ENTHD1: variants seen among roughly 807,000 people sequenced by gnomAD.
ENTHD1 encodes ENTH domain containing 1, also known as ENTH domain-containing protein 1.
ENTHD1 carries 23 observed loss-of-function variants against 39.1 expected under a neutral mutation model. The observed-to-expected ratio is 0.59, with a 90% CI of 0.42 to 0.83. The LOEUF is 0.83. Among genes scored for constraint, ENTHD1 ranks in the 40% least tolerant of loss-of-function variants. ENTHD1 has a pLI of 0.00. For missense variants in ENTHD1, 624 were observed against 705.4 expected, an observed-to-expected ratio of 0.88 and a Z score of 1.31; for synonymous variants, 230 against 258.2, an observed-to-expected ratio of 0.89 and a Z score of 1.05.
At chr22:39,833,782 C>T (rs1194538867) in intron 4 of ENTHD1, among the ~76,000 whole-genome samples, 1 of 151,306 alleles carries the variant, frequency 6.6e-6, no homozygotes, top group African/African-American at 2.4e-5. Flanking sequence ...GAAGAAAAAT[C>T]GAGATAACTT....
At chr22:39,758,875 T>C (rs1245075519) in intron 6 of ENTHD1, among the ~76,000 whole-genome samples, 2 of 152,232 alleles carry the variant, frequency 1.3e-5, no homozygotes, top group East Asian at 3.8e-4. Flanking sequence ...AATTTTATCA[T>C]TTCCATCTGA....
intron 5 of ENTHD1, among the ~76,000 whole-genome samples, chr22:39,772,308 G>A (rs917842565): frequency 5.3e-5 from 8 of 152,150 alleles, no homozygotes; most frequent in African/African-American, 1.9e-4. Context: ...TAGCCCACTT[G>A]CTTCTCACCT....
At chr22:39,748,641 T>G (rs2065125811) in intron 6 of ENTHD1, among the ~76,000 whole-genome samples, 1 of 152,018 alleles carries the variant, frequency 6.6e-6, no homozygotes, top group Non-Finnish European at 1.5e-5. Context: ...ACCAGGATGG[T>G]CTCAATCTCC....
intron 5 of ENTHD1, among the ~76,000 whole-genome samples, chr22:39,796,487 C>A (rs12483790): frequency 0.039 from 5,878 of 152,208 alleles, 158 homozygotes; most frequent in Middle Eastern, 0.068. Flanking sequence ...CCAGACTGAT[C>A]TCAAGCTCCT....
intron 2 of ENTHD1, among the ~76,000 whole-genome samples, chr22:39,863,016 A>G (rs1005218285): frequency 6.6e-6 from 1 of 152,202 alleles, no homozygotes; most frequent in Non-Finnish European, 1.5e-5. Flanking sequence ...CAGAGGATGC[A>G]GCATCAAGGC....
At chr22:39,826,734 T>C (rs1860679324) in intron 4 of ENTHD1, among the ~76,000 whole-genome samples, 1 of 151,934 alleles carries the variant, frequency 6.6e-6, no homozygotes, top group Non-Finnish European at 1.5e-5. Context: ...ATGTAGGATG[T>C]TGGTAGGGGT....
At chr22:39,769,829 A>T (rs1262900964) in intron 5 of ENTHD1, among the ~76,000 whole-genome samples, 1 of 152,198 alleles carries the variant, frequency 6.6e-6, no homozygotes, top group Non-Finnish European at 1.5e-5. Flanking sequence ...AATGTCAACA[A>T]ATTTTGTGAA....
At chr22:39,809,745 A>G (rs57242969) in intron 5 of ENTHD1, among the ~76,000 whole-genome samples, 9 of 152,284 alleles carry the variant, frequency 5.9e-5, no homozygotes, top group African/African-American at 1.9e-4. Flanking sequence ...GACCAGGGAT[A>G]ACAGGGATGG....
At chr22:39,766,895 A>C (rs2065281583) in intron 5 of ENTHD1, among the ~76,000 whole-genome samples, 1 of 152,160 alleles carries the variant, frequency 6.6e-6, no homozygotes. Context: ...CCATCCTCTC[A>C]TCTTTTAAAA....
chr22:39,877,359 T>G (rs996502565), intron 2 of ENTHD1, among the ~76,000 whole-genome samples: 1 of 152,188 alleles, frequency 6.6e-6, no homozygotes, highest in East Asian at 1.9e-4. Flanking sequence ...ATGTAAAAAG[T>G]TGGAGTCGCC....
intron 3 of ENTHD1, among the ~76,000 whole-genome samples, chr22:39,860,001 C>T (rs572980959): frequency 6.8e-4 from 103 of 152,294 alleles, no homozygotes; most frequent in African/African-American, 2.4e-3. Context: ...TCTCTCATTA[C>T]GTGACCTAAA....
chr22:39,802,304 C>G (rs964882042), intron 5 of ENTHD1, among the ~76,000 whole-genome samples: 1 of 152,102 alleles, frequency 6.6e-6, no homozygotes, highest in African/African-American at 2.4e-5. Flanking sequence ...CAGAGAAAAC[C>G]GTCTGTTTTT....
intron 6 of ENTHD1, among the ~76,000 whole-genome samples, chr22:39,754,377 A>G (rs1186123231): frequency 1.3e-5 from 2 of 152,206 alleles, no homozygotes; most frequent in Non-Finnish European, 2.9e-5. Flanking sequence ...GGTGGCACCA[A>G]TCACGCTCTC....
intron 6 of ENTHD1, among the ~76,000 whole-genome samples, chr22:39,745,593 CAGGAACTT>C (rs2065097739): frequency 6.6e-6 from 1 of 152,178 alleles, no homozygotes; most frequent in Non-Finnish European, 1.5e-5. Flanking sequence ...AAAAGGAAAG[CAGGAACTT>C]CATCAGCACA....
chr22:39,775,078 A>G (rs1569135068), intron 5 of ENTHD1, among the ~76,000 whole-genome samples: 1 of 152,202 alleles, frequency 6.6e-6, no homozygotes, highest in East Asian at 1.9e-4. Flanking sequence ...CTGCTATTAC[A>G]TAGTACAATG....
chr22:39,853,292 G>A (rs535422780), intron 3 of ENTHD1, among the ~76,000 whole-genome samples: 50 of 152,056 alleles, frequency 3.3e-4, no homozygotes, highest in Non-Finnish European at 6.5e-4. Flanking sequence ...AAAACATTTG[G>A]GAGGCCGAGG....
At chr22:39,804,798 G>A (rs1243019895) in intron 5 of ENTHD1, among the ~76,000 whole-genome samples, 1 of 152,204 alleles carries the variant, frequency 6.6e-6, no homozygotes, top group Non-Finnish European at 1.5e-5. Context: ...GGCACATGAT[G>A]TGTCTAGGAG....
intron 2 of ENTHD1, among the ~76,000 whole-genome samples, chr22:39,883,152 C>T (rs1047745430): frequency 6.6e-6 from 1 of 150,808 alleles, no homozygotes; most frequent in Non-Finnish European, 1.5e-5. Flanking sequence ...TGCTAATGTA[C>T]CTTCCATAAT....
intron 4 of ENTHD1, among the ~76,000 whole-genome samples, chr22:39,832,263 A>G (rs2065875228): frequency 6.6e-6 from 1 of 152,208 alleles, no homozygotes; most frequent in South Asian, 2.1e-4. Flanking sequence ...GTGAGCTATG[A>G]TCATTCCACT....
Sources: gnomAD v4.1 joint callset for allele counts (sites outside exome capture counted in the v4.1 genomes callset) on GRCh38, gnomAD v4.1.1 for gene constraint, MANE v1.5 for transcripts, NCBI Gene and HGNC (gene_info 2026-07-23, HGNC 2026-07-21) for gene names.